Variants in ZNF445 observed in about 807,000 individuals in gnomAD.
ZNF445 encodes the protein zinc finger protein 168.
Under a neutral mutation model 93.9 loss-of-function variants are expected in ZNF445, and 19 were observed. The ratio of observed to expected loss-of-function variants is 0.20; its 90% CI spans 0.14 to 0.30. The LOEUF (loss-of-function observed/expected upper bound fraction) is 0.30, where lower values mean the gene tolerates loss of function less well. Ranked by LOEUF, ZNF445 falls within the 10% of genes least tolerant of loss-of-function variation. The probability of loss-of-function intolerance (pLI) is 1.00; values close to 1 mark genes in which losing one functional copy is unlikely to be tolerated. For missense variants in ZNF445, 1,058 were observed against 1,259.4 expected (o/e 0.84, Z 2.42); for synonymous variants, 449 against 446.3 (o/e 1.01, Z -0.08).
At chr3:44,451,931 G>A (rs953678599) in intron 3 of ZNF445, among the ~76,000 whole-genome samples, 6 of 152,192 alleles carry the variant, frequency 3.9e-5, no homozygotes, top group Admixed American at 2.0e-4. Flanking sequence ...TGCTGCTCTA[G>A]GCACTGATGT....
rs753889779 is a variant in ZNF445, at chr3:44,446,894, C to T, written c.2777G>A (p.Arg926His). The T allele has an allele frequency of 8.7e-6, 14 of 1,614,174 alleles. No individual in the cohort carries two copies. The East Asian group carries it at 2.7e-4, about 31-fold the overall frequency. Residue 926 changes from arginine (R) to histidine (H), a missense_variant, in exon 8 of 8, where the codon CGT becomes CAT. By Grantham distance (29) the Arg-to-His change is conservative (BLOSUM62 0). This residue lies in a region of ZNF445 where 387 missense variants were observed against 475.7 expected (regional missense o/e 0.81). Coordinates refer to ENST00000396077, the MANE Select transcript of ZNF445 (RefSeq NM_181489.6). This position sits in a 1 kb window ranked among gnomAD's most constrained non-coding sequence, Gnocchi z 4.2. ...RKHTRAAQAE[R>H]SPPARSSSQD... is the part of the protein sequence containing the mutation. ...AGAGGAAGACCGTGCAGGCGGGCTA[C>T]GTTCAGCCTGTGCTGCTCTGGTGTG...
chr3:44,470,903 G>A (rs1698259928), intron 1 of ZNF445, among the ~76,000 whole-genome samples: 1 of 152,048 alleles, frequency 6.6e-6, no homozygotes, highest in African/African-American at 2.4e-5. Flanking sequence ...ACAAAAGGAT[G>A]TTCTCCAGTT....
Position 44,440,732 on chromosome 3 carries a change from C to T in ZNF445, c.*5843G>A, listed in dbSNP as rs901756487. 2.0e-5 allele frequency: 3 copies of T among 152,134 alleles called. No individual in the cohort carries two copies. The highest frequency in any genetic ancestry group is 6.5e-5 in the Admixed American group (1 of 15,276). 9.4% of individuals were successfully genotyped at this position (152,134 alleles called of 1,614,324 possible). A position where few individuals can be genotyped will look rare whatever the true frequency, so the allele number is the denominator to read the frequency against. ...AGTAAAGAAATACAGAATGGCTACTCCATAGGAAGAGTAGCCCCAAGGGCT... is the reference window on the plus strand; with the variant it reads ...AGTAAAGAAATACAGAATGGCTACTTCATAGGAAGAGTAGCCCCAAGGGCT... On this transcript the variant is annotated 3_prime_UTR_variant, in exon 8 of 8. Coordinates refer to ENST00000396077, the MANE Select transcript of ZNF445 (RefSeq NM_181489.6).
At chr3:44,473,927 T>A (rs1698308056) in intron 1 of ZNF445, among the ~76,000 whole-genome samples, 1 of 152,140 alleles carries the variant, frequency 6.6e-6, no homozygotes, top group Admixed American at 6.5e-5. Flanking sequence ...TCACAAAGAT[T>A]CCAATTAATA....
intron 3 of ZNF445, 43 bp downstream of exon 3, chr3:44,455,078 G>T (rs756882636): frequency 6.2e-7 from 1 of 1,612,380 alleles, no homozygotes; most frequent in Admixed American, 1.7e-5. Flanking sequence ...TGGCTCACTA[G>T]CAGGCAGAGT....
intron 1 of ZNF445, among the ~76,000 whole-genome samples, chr3:44,471,392 A>G (rs1275021096): frequency 1.3e-5 from 2 of 152,238 alleles, no homozygotes; most frequent in African/African-American, 2.4e-5. Flanking sequence ...AGTGTCTACA[A>G]AAAGTGTGAG....
In ZNF445 at chr3:44,436,884, C is replaced by A. The variant is rs2125673840; in HGVS notation, c.*9691G>T. ...ATTCAGCTTGATCTGACTTTATATT[C>A]CTTCCACGATGATCCTGCACCCTTG... is the stretch of plus-strand genomic sequence containing the variant. On this transcript the variant is annotated 3_prime_UTR_variant, in exon 8 of 8. Transcript: ENST00000396077. The A allele has an allele frequency of 1.3e-5, 2 of 152,328 alleles. No individual in the cohort carries two copies. The highest frequency in any genetic ancestry group is 4.1e-4 in the South Asian group (2 of 4,824). The allele number at this position is 152,328 out of a possible 1,614,324, so 9.4% of individuals were successfully genotyped here.
rs1697759502 is a variant in ZNF445 at position 44,439,276 on chromosome 3, A to C, written c.*7299T>G. On this transcript the variant is annotated 3_prime_UTR_variant, in exon 8 of 8. Transcript: ENST00000396077. ...CAGTGAGCTGAGATCGTGCCACTGC[A>C]CTCCAGCCTGGGTGACAGGGTGAGA... 7.0e-6 allele frequency: 1 copy of C among 142,376 alleles called. No homozygotes were observed. Among genetic ancestry groups the C allele is most frequent in the Non-Finnish European group, 1.5e-5 (1 of 66,878 alleles). The allele number at this position is 142,376 out of a possible 1,614,324, so 8.8% of individuals were successfully genotyped here. A position where few individuals can be genotyped will look rare whatever the true frequency, so the allele number is the denominator to read the frequency against.
intron 4 of ZNF445, among the ~76,000 whole-genome samples, 173 bp from the exon 5 acceptor site, chr3:44,451,135 G>A (rs1054386595): frequency 4.6e-5 from 7 of 152,142 alleles, no homozygotes; most frequent in Non-Finnish European, 1.0e-4. Context: ...AGTGGGATGG[G>A]GGGTGTAATG....
chr3:44,473,924 G>T (rs769286984), intron 1 of ZNF445, among the ~76,000 whole-genome samples: 2 of 152,182 alleles, frequency 1.3e-5, no homozygotes, highest in Non-Finnish European at 2.9e-5. Context: ...TCCTCACAAA[G>T]ATTCCAATTA....
chr3:44,459,176 C>T (rs1185257578), intron 1 of ZNF445, among the ~76,000 whole-genome samples: 2 of 152,146 alleles, frequency 1.3e-5, no homozygotes, highest in Non-Finnish European at 2.9e-5. Flanking sequence ...TGCCAGACCT[C>T]CCCCTGTGTA....
At chr3:44,473,531 AT>A (rs1441163422) in intron 1 of ZNF445, among the ~76,000 whole-genome samples, 3 of 151,962 alleles carry the variant, frequency 2.0e-5, no homozygotes, top group Non-Finnish European at 4.4e-5. Context: ...TTAAAATAAT[AT>A]TTATATTCAT....
Position 44,432,084 on chromosome 3 carries a change from G to C in ZNF445, c.*14491C>G, listed in dbSNP as rs1397978670. On this transcript the variant is annotated 3_prime_UTR_variant, in exon 8 of 8. Transcript: ENST00000396077. ...CTACATGTTTTGTATTTTTAGTAGA[G>C]ACGGGGTTTCACCATGTTGGCCAGG... 6.6e-6 allele frequency: 1 copy of C among 152,096 alleles called. No homozygotes were observed. Among genetic ancestry groups the C allele is most frequent in the African/African-American group, 2.4e-5 (1 of 41,412 alleles). 9.4% of individuals were successfully genotyped at this position (152,096 alleles called of 1,614,324 possible).
rs575043425 is a variant in ZNF445 at position 44,436,521 on chromosome 3, G to A, written c.*10054C>T. The A allele has an allele frequency of 3.7e-4, 57 of 152,276 alleles. No individual in the cohort carries two copies. Among genetic ancestry groups the A allele is most frequent in the African/African-American group, 1.3e-3 (55 of 41,554 alleles). 9.4% of individuals were successfully genotyped at this position (152,276 alleles called of 1,614,324 possible). The stretch of plus-strand genomic sequence containing the variant: ...TGGACCCTCCCTGGGTGGGTGAGCA[G>A]GTATTTACATGATAAATACTCAAGC... On this transcript the variant is annotated 3_prime_UTR_variant, in exon 8 of 8. Coordinates refer to ENST00000396077, the MANE Select transcript of ZNF445 (RefSeq NM_181489.6).
At chr3:44,454,246 C>T (rs1186145255) in intron 3 of ZNF445, among the ~76,000 whole-genome samples, 2 of 151,290 alleles carry the variant, frequency 1.3e-5, no homozygotes, top group Admixed American at 6.6e-5. Context: ...AAGGAAGCTA[C>T]ATGGTGCCTG....
At chr3:44,470,286 C>A (rs898021536) in intron 1 of ZNF445, among the ~76,000 whole-genome samples, 2 of 152,178 alleles carry the variant, frequency 1.3e-5, no homozygotes, top group African/African-American at 4.8e-5. Flanking sequence ...CTTTTCCCAA[C>A]AATAACAAAA....
rs1163541388 is a variant in ZNF445, at chr3:44,443,422, A to T, written c.*3153T>A. 6.6e-6 allele frequency: 1 copy of T among 152,184 alleles called. No homozygotes were observed. The highest frequency in any genetic ancestry group is 1.5e-5 in the Non-Finnish European group (1 of 68,034). 9.4% of individuals were successfully genotyped at this position (152,184 alleles called of 1,614,324 possible). A position where few individuals can be genotyped will look rare whatever the true frequency, so the allele number is the denominator to read the frequency against. Reference sequence around the variant, plus strand: ...TATAAACAGCTTACTTCAGGATAAAATAATTTCTGTTCTTTTGGCCGGGCA... The same window carrying T: ...TATAAACAGCTTACTTCAGGATAAATTAATTTCTGTTCTTTTGGCCGGGCA... On this transcript the variant is annotated 3_prime_UTR_variant, in exon 8 of 8. Transcript: ENST00000396077.
At chr3:44,461,969 G>C (rs895426993) in intron 1 of ZNF445, among the ~76,000 whole-genome samples, 1 of 152,032 alleles carries the variant, frequency 6.6e-6, no homozygotes, top group Non-Finnish European at 1.5e-5. Context: ...GGCAAAAAGG[G>C]GTAAGAAATG....
rs1697619655 is a variant in ZNF445, at chr3:44,434,002, T to G, written c.*12573A>C. On this transcript the variant is annotated 3_prime_UTR_variant, in exon 8 of 8. Coordinates refer to ENST00000396077, the MANE Select transcript of ZNF445 (RefSeq NM_181489.6). ...AGCTGAGACTCCCAGGCAGCCCCTTTGGAAAACAGTTTGGCATTTCCCCAA... is the reference window on the plus strand; with the variant it reads ...AGCTGAGACTCCCAGGCAGCCCCTTGGGAAAACAGTTTGGCATTTCCCCAA... 6.6e-6 allele frequency: 1 copy of G among 152,160 alleles called. No individual in the cohort carries two copies. Among genetic ancestry groups the G allele is most frequent in the Non-Finnish European group, 1.5e-5 (1 of 68,032 alleles). The allele number at this position is 152,160 out of a possible 1,614,324, so 9.4% of individuals were successfully genotyped here. A position where few individuals can be genotyped will look rare whatever the true frequency, so the allele number is the denominator to read the frequency against.
Sources: allele counts gnomAD v4.1 joint callset (sites outside exome capture counted in the v4.1 genomes callset), GRCh38; gene constraint gnomAD v4.1.1; regional missense constraint gnomAD v4.1.1; non-coding constraint Gnocchi (gnomAD v3.1); transcripts MANE v1.5; gene names NCBI Gene and HGNC (gene_info 2026-07-23, HGNC 2026-07-21).